Variants in CCDC148 observed in about 807,000 individuals in gnomAD.
CCDC148 encodes coiled-coil domain containing 148, also known as coiled-coil domain-containing protein 148.
CCDC148 carries 89 observed loss-of-function variants against 85.7 expected under a neutral mutation model. The observed-to-expected ratio is 1.04, with a 90% CI of 0.87 to 1.24. CCDC148 has a LOEUF of 1.24. Among genes scored for constraint, CCDC148 ranks in the 50% most tolerant of loss-of-function variants. The pLI, the probability that CCDC148 is intolerant of heterozygous loss-of-function variation, is 0.00. For missense variants in CCDC148, 692 were observed against 671.7 expected, an observed-to-expected ratio of 1.03 and a Z score of -0.33; for synonymous variants, 230 against 213.9, an observed-to-expected ratio of 1.08 and a Z score of -0.66.
chr2:158,331,413 T>A (rs920965492), intron 7 of CCDC148, among the ~76,000 whole-genome samples: 5 of 152,124 alleles, frequency 3.3e-5, no homozygotes, highest in Middle Eastern at 3.2e-3. Context: ...TGCTGAGGAG[T>A]GCTTTACTTC....
chr2:158,393,185 G>A (rs1433062510), intron 1 of CCDC148: 1 of 152,092 alleles, frequency 6.6e-6, no homozygotes, highest in Non-Finnish European at 1.5e-5. Context: ...ACTGAGTGAA[G>A]GTGCCAGGAT....
At position 158,313,856 on chromosome 2, in the gene CCDC148, T is replaced by C; in HGVS notation, c.803A>G (p.Gln268Arg). 6.2e-7 allele frequency: 1 copy of C among 1,613,840 alleles called. No individual in the cohort carries two copies. ...QLSEEDHWIY[Q>R]AILDQYPGDL... ...TCCAGGGTACTGATCCAAAATAGCCTGGTAAATCCAGTGGTCTTCTTCACT... is the reference window on the plus strand; with the variant it reads ...TCCAGGGTACTGATCCAAAATAGCCCGGTAAATCCAGTGGTCTTCTTCACT... The change falls in exon 8 of 14, where the codon CAG becomes CGG. Residue 268 changes from glutamine (Q) to arginine (R), a missense_variant. Coordinates refer to ENST00000283233, the MANE Select transcript of CCDC148 (RefSeq NM_138803.4).
At chr2:158,204,442 C>CT (rs1322578231) in intron 11 of CCDC148, among the ~76,000 whole-genome samples, 1 of 152,152 alleles carries the variant, frequency 6.6e-6, no homozygotes, top group Non-Finnish European at 1.5e-5. Context: ...AGGCTTCTGC[C>CT]TTTTTTTGTT....
At chr2:158,227,217 G>C (rs1410395547) in intron 10 of CCDC148, among the ~76,000 whole-genome samples, 1 of 151,778 alleles carries the variant, frequency 6.6e-6, no homozygotes, top group African/African-American at 2.4e-5. Context: ...TTGCTTCAAA[G>C]AGAATAAAAT....
At chr2:158,443,038 G>A (rs1376349261) in intron 1 of CCDC148, among the ~76,000 whole-genome samples, 1 of 105,284 alleles carries the variant, frequency 9.5e-6, no homozygotes, top group Non-Finnish European at 2.2e-5. Flanking sequence ...CATAGTTTTT[G>A]TTTGTTTGTT....
At chr2:158,204,485 T>C (rs1359587573) in intron 11 of CCDC148, among the ~76,000 whole-genome samples, 1 of 152,168 alleles carries the variant, frequency 6.6e-6, no homozygotes, top group East Asian at 1.9e-4. Context: ...AGAGGCATTA[T>C]ATAGGAAGTC....
intron 1 of CCDC148, among the ~76,000 whole-genome samples, chr2:158,369,792 A>G (rs1272263850): frequency 6.6e-6 from 1 of 152,054 alleles, no homozygotes; most frequent in Non-Finnish European, 1.5e-5. Context: ...ATTCAGTATG[A>G]TATTAGCTGT....
intron 9 of CCDC148, among the ~76,000 whole-genome samples, chr2:158,256,983 A>G (rs1249763307): frequency 6.6e-6 from 1 of 151,920 alleles, no homozygotes; most frequent in Middle Eastern, 3.4e-3. Flanking sequence ...TCTGCCAGTC[A>G]GTAAGGGTTC....
At chr2:158,447,225 C>A (rs1295840237) in intron 1 of CCDC148, 1 of 151,940 alleles carries the variant, frequency 6.6e-6, no homozygotes, top group Non-Finnish European at 1.5e-5. Flanking sequence ...TATGTGCAAT[C>A]CCACTACTGA....
chr2:158,410,811 C>T (rs1686225861), intron 1 of CCDC148, among the ~76,000 whole-genome samples: 1 of 152,040 alleles, frequency 6.6e-6, no homozygotes, highest in Non-Finnish European at 1.5e-5. Context: ...TTTATGCTTT[C>T]ATATGCTTTT....
At chr2:158,421,261 C>G (rs1347176850) in intron 1 of CCDC148, among the ~76,000 whole-genome samples, 1 of 152,188 alleles carries the variant, frequency 6.6e-6, no homozygotes, top group Non-Finnish European at 1.5e-5. Flanking sequence ...ACAGAACTCT[C>G]CACCCCAAAT....
intron 8 of CCDC148, among the ~76,000 whole-genome samples, chr2:158,311,461 C>T (rs1209665782): frequency 1.4e-5 from 2 of 144,036 alleles, no homozygotes; most frequent in African/African-American, 2.5e-5. Context: ...CTGTGGAAAG[C>T]GGGAGATGGA....
At chr2:158,251,027 G>A in intron 9 of CCDC148, 115 bp from the exon 10 acceptor site, 1 of 932,416 alleles carries the variant, frequency 1.1e-6, no homozygotes, top group Non-Finnish European at 1.6e-6. Context: ...CCAAATAAAT[G>A]TTTAAATTCT....
chr2:158,392,617 T>C (rs1281404286), intron 1 of CCDC148, among the ~76,000 whole-genome samples: 2 of 152,110 alleles, frequency 1.3e-5, no homozygotes, highest in Non-Finnish European at 2.9e-5. Flanking sequence ...TAAACCTATA[T>C]TTGTAAACTA....
chr2:158,228,566 C>T (rs1228240111), intron 10 of CCDC148, among the ~76,000 whole-genome samples: 1 of 152,038 alleles, frequency 6.6e-6, no homozygotes, highest in Non-Finnish European at 1.5e-5. Flanking sequence ...CCCAAATGTC[C>T]AACAATGATA....
intron 9 of CCDC148, among the ~76,000 whole-genome samples, chr2:158,297,845 A>G (rs1161752222): frequency 6.6e-6 from 1 of 152,212 alleles, no homozygotes; most frequent in East Asian, 1.9e-4. Flanking sequence ...GTGTGTGACC[A>G]CACCAGCAAA....
chr2:158,428,650 G>A (rs2105330136), intron 1 of CCDC148, among the ~76,000 whole-genome samples: 1 of 151,152 alleles, frequency 6.6e-6, no homozygotes, highest in South Asian at 2.1e-4. Context: ...GTGCTGGAGA[G>A]GATGTAGAGA....
chr2:158,184,131 C>A (rs1292774145), intron 11 of CCDC148, among the ~76,000 whole-genome samples: 1 of 152,108 alleles, frequency 6.6e-6, no homozygotes, highest in African/African-American at 2.4e-5. Context: ...TAAGCAAAGA[C>A]CAATTTCTGC....
At position 158,200,090 on chromosome 2, in the gene CCDC148, C is replaced by T. The variant is rs546714001; in HGVS notation, c.1370+20505G>A. On this transcript the variant is annotated intron_variant, in intron 11 of 13. Transcript: ENST00000283233. ...TTCTGCACTCTGGTCCAAAAAAAAT[C>T]AGCTGCACAAGGACAGGGCTGGTGA... Among the ~76,000 whole-genome samples the T allele has an allele frequency of 3.3e-5, 5 of 152,244 alleles. No homozygotes were observed. In the South Asian group the frequency reaches 1.0e-3, roughly 32 times the overall value.
Sources: gnomAD v4.1 joint callset for allele counts (sites outside exome capture counted in the v4.1 genomes callset) on GRCh38, gnomAD v4.1.1 for gene constraint, MANE v1.5 for transcripts, NCBI Gene and HGNC (gene_info 2026-07-23, HGNC 2026-07-21) for gene names.